The following MECOM variants were observed in gnomAD, a reference collection of about 807,000 sequenced individuals.
MECOM encodes MDS1 and EVI1 complex locus, also known as histone-lysine N-methyltransferase MECOM.
A neutral mutation model predicts 116.3 loss-of-function variants in MECOM; 13 were observed. The observed-to-expected ratio is 0.11, with a 90% CI of 0.07 to 0.18. The LOEUF (loss-of-function observed/expected upper bound fraction) is 0.18. Ranked by LOEUF, MECOM falls within the 10% of genes least tolerant of loss-of-function variation. The pLI, the probability that MECOM is intolerant of heterozygous loss-of-function variation, is 1.00. For synonymous variants in MECOM, 528 were observed against 535.2 expected (o/e 0.99, Z 0.19); for missense variants, 1,299 against 1,509.0 (o/e 0.86, Z 2.31).
At chr3:169,255,065 A>G (rs1756700228) in intron 2 of MECOM, among the ~76,000 whole-genome samples, 1 of 152,176 alleles carries the variant, frequency 6.6e-6, no homozygotes, top group Admixed American at 6.5e-5. Context: ...GACATTCCCA[A>G]TAATCCAATT....
chr3:169,594,548 G>C (rs560442263), intron 1 of MECOM, among the ~76,000 whole-genome samples: 1 of 151,732 alleles, frequency 6.6e-6, no homozygotes, highest in Non-Finnish European at 1.5e-5. Flanking sequence ...GCTACAGTTC[G>C]ACAACCACTA....
intron 2 of MECOM, among the ~76,000 whole-genome samples, chr3:169,356,231 T>C (rs939843235): frequency 1.8e-4 from 27 of 151,892 alleles, no homozygotes; most frequent in Non-Finnish European, 4.4e-5. Context: ...TACTGTGAGA[T>C]ACTTTGAGAT....
chr3:169,464,265 T>G (rs181546023), intron 1 of MECOM: 13 of 152,306 alleles, frequency 8.5e-5, no homozygotes, highest in Admixed American at 3.3e-4. Context: ...TTGAAAGCAT[T>G]TCAAAACAGT....
chr3:169,511,803 A>G (rs1756005382), intron 1 of MECOM, among the ~76,000 whole-genome samples: 1 of 152,076 alleles, frequency 6.6e-6, no homozygotes, highest in Non-Finnish European at 1.5e-5. Flanking sequence ...TTTTTTTTAA[A>G]GTATTCTTAC....
chr3:169,378,429 G>GAAAGAAAGAA (rs1386626412), intron 2 of MECOM, among the ~76,000 whole-genome samples: 3 of 75,882 alleles, frequency 4.0e-5, no homozygotes, highest in Non-Finnish European at 2.3e-5. Context: ...AAGAAAGAAA[G>GAAAGAAAGAA]AAAGAAAGAA....
At chr3:169,148,468 T>C (rs1262352135) in intron 2 of MECOM, among the ~76,000 whole-genome samples, 1 of 152,248 alleles carries the variant, frequency 6.6e-6, no homozygotes, top group Non-Finnish European at 1.5e-5. Flanking sequence ...GATTTATTCA[T>C]GGCCAACTTT....
At chr3:169,188,054 GA>G (rs1424413720) in intron 2 of MECOM, among the ~76,000 whole-genome samples, 36 of 151,978 alleles carry the variant, frequency 2.4e-4, no homozygotes, top group African/African-American at 8.7e-4. Flanking sequence ...AAATTGCTGA[GA>G]AATGAAGGGA....
At chr3:169,202,760 T>C (rs933441349) in intron 2 of MECOM, among the ~76,000 whole-genome samples, 21 of 145,590 alleles carry the variant, frequency 1.4e-4, no homozygotes, top group African/African-American at 4.7e-4. Context: ...TTCACCCAAC[T>C]CTTGCTCCCA....
intron 2 of MECOM, among the ~76,000 whole-genome samples, chr3:169,215,737 C>A (rs1751345438): frequency 6.6e-6 from 1 of 152,192 alleles, no homozygotes; most frequent in Non-Finnish European, 1.5e-5. Flanking sequence ...AGCAGTGTGA[C>A]TAATGCACTT....
chr3:169,144,744 T>C (rs780917176), intron 2 of MECOM, among the ~76,000 whole-genome samples: 3 of 152,166 alleles, frequency 2.0e-5, no homozygotes, highest in Non-Finnish European at 4.4e-5. Flanking sequence ...TGTAGAGTTG[T>C]TGACCTGATG....
chr3:169,638,101 G>C (rs560880327), intron 1 of MECOM, among the ~76,000 whole-genome samples: 1 of 152,138 alleles, frequency 6.6e-6, no homozygotes, highest in Non-Finnish European at 1.5e-5. Context: ...AAGTTGCAAG[G>C]CTTGATAATT....
At chr3:169,378,441 G>GA (rs1560196464) in intron 2 of MECOM, among the ~76,000 whole-genome samples, 1 of 83,006 alleles carries the variant, frequency 1.2e-5, no homozygotes, top group Admixed American at 1.4e-4. Context: ...AAGAAAGAAA[G>GA]AAAGAAAGAA....
At chr3:169,148,284 C>T (rs1577180550) in intron 2 of MECOM, among the ~76,000 whole-genome samples, 1 of 152,206 alleles carries the variant, frequency 6.6e-6, no homozygotes, top group East Asian at 1.9e-4. Context: ...AGCAATTTGA[C>T]GACTCAGATT....
chr3:169,263,071 A>T (rs1757745118), intron 2 of MECOM, among the ~76,000 whole-genome samples: 1 of 84,038 alleles, frequency 1.2e-5, no homozygotes, highest in African/African-American at 4.2e-5. Context: ...CCTTTTTTTC[A>T]AGATGCTATA....
chr3:169,353,390 G>C (rs1306407460), intron 2 of MECOM, among the ~76,000 whole-genome samples: 1 of 151,764 alleles, frequency 6.6e-6, no homozygotes, highest in Non-Finnish European at 1.5e-5. Flanking sequence ...TTAAAATGGA[G>C]AACTCACTCT....
chr3:169,296,510 C>T (rs533967603), intron 2 of MECOM, among the ~76,000 whole-genome samples: 7 of 152,130 alleles, frequency 4.6e-5, no homozygotes, highest in Admixed American at 4.6e-4. Flanking sequence ...TCTTTGTAGA[C>T]CATCAGTAAA....
At chr3:169,210,413 C>T (rs1750560613) in intron 2 of MECOM, among the ~76,000 whole-genome samples, 1 of 152,010 alleles carries the variant, frequency 6.6e-6, no homozygotes, top group Admixed American at 6.5e-5. Context: ...TTTCTGAAAA[C>T]ACGGCGGCAT....
chr3:169,207,342 C>A (rs1197497044), intron 2 of MECOM, among the ~76,000 whole-genome samples: 1 of 152,130 alleles, frequency 6.6e-6, no homozygotes, highest in Admixed American at 6.6e-5. Flanking sequence ...TCTGGATACA[C>A]AGTGGGCGGA....
chr3:169,312,809 A>G (rs553838095), intron 2 of MECOM, among the ~76,000 whole-genome samples: 1 of 152,358 alleles, frequency 6.6e-6, no homozygotes, highest in South Asian at 2.1e-4. Context: ...TTAGTCATCC[A>G]TGTGGGGATG....
Sources: allele counts gnomAD v4.1 joint callset (sites outside exome capture counted in the v4.1 genomes callset), GRCh38; gene constraint gnomAD v4.1.1; transcripts MANE v1.5; gene names NCBI Gene and HGNC (gene_info 2026-07-23, HGNC 2026-07-21).